Variants in ABL1 observed in about 807,000 individuals in gnomAD.
ABL1 encodes tyrosine-protein kinase ABL1.
In ABL1, 11 loss-of-function variants were observed where a neutral mutation model predicts 94.7. That is an observed-to-expected ratio of 0.12 (90% CI 0.07 to 0.19). The LOEUF (loss-of-function observed/expected upper bound fraction) is 0.19. Ranked by LOEUF, ABL1 falls within the 10% of genes least tolerant of loss-of-function variation. The pLI, the probability that ABL1 is intolerant of heterozygous loss-of-function variation, is 1.00. For missense variants in ABL1, 1,082 were observed against 1,489.4 expected (o/e 0.73, Z 4.50); for synonymous variants, 656 against 622.4 (o/e 1.05, Z -0.80).
intron 1 of ABL1, among the ~76,000 whole-genome samples, chr9:130,852,082 CTTT>C (rs1011984389): frequency 1.3e-5 from 2 of 151,932 alleles, no homozygotes; most frequent in Non-Finnish European, 2.9e-5. Flanking sequence ...CCGGGCCTCT[CTTT>C]TTAAGATAAT....
chr9:130,809,355 A>T (rs943574027), intron 1 of ABL1, among the ~76,000 whole-genome samples: 2 of 150,582 alleles, frequency 1.3e-5, no homozygotes, highest in Non-Finnish European at 3.0e-5. Flanking sequence ...TGGAGTACTA[A>T]GAAGAGTTGT....
At chr9:130,783,342 G>A (rs917802198) in intron 1 of ABL1, among the ~76,000 whole-genome samples, 2 of 152,202 alleles carry the variant, frequency 1.3e-5, no homozygotes, top group Admixed American at 1.3e-4. Context: ...TTTACTCTGT[G>A]TTAGCTTGGA....
At chr9:130,746,157 G>A (rs1485169354) in intron 1 of ABL1, among the ~76,000 whole-genome samples, 1 of 151,432 alleles carries the variant, frequency 6.6e-6, no homozygotes, top group African/African-American at 2.4e-5. Flanking sequence ...GCCTTTCCAA[G>A]GTCTTCTGGT....
chr9:130,859,971 T>G (rs536949689), intron 3 of ABL1, among the ~76,000 whole-genome samples: 15 of 152,224 alleles, frequency 9.9e-5, no homozygotes, highest in Non-Finnish European at 1.6e-4. Context: ...GAGCCACTGC[T>G]CCTGGCAAAA....
intron 1 of ABL1, among the ~76,000 whole-genome samples, chr9:130,802,126 T>C (rs1458075378): frequency 7.0e-6 from 1 of 143,826 alleles, no homozygotes; most frequent in Non-Finnish European, 1.5e-5. Context: ...GGTCTCTCTC[T>C]GTTGCCCAGG....
At position 130,874,804 on chromosome 9, in the gene ABL1, T is replaced by C. The variant is rs532210998; in HGVS notation, c.1086-64T>C. 7 of 1,521,872 alleles carry C rather than the reference T, an allele frequency of 4.6e-6. No homozygotes were observed. In the Admixed American group the frequency reaches 8.5e-5, roughly 18 times the overall value. 94.3% of individuals were successfully genotyped at this position (1,521,872 alleles called of 1,614,324 possible). A position where few individuals can be genotyped will look rare whatever the true frequency, so the allele number is the denominator to read the frequency against. ...TCAGCATTGCACCTTTGCTCAGCAGTGGTGGATTTGTGAAGTGGAAGGTTG... is the reference window on the plus strand; with the variant it reads ...TCAGCATTGCACCTTTGCTCAGCAGCGGTGGATTTGTGAAGTGGAAGGTTG... On this transcript the variant is annotated intron_variant, in intron 6 of 10. Coordinates refer to ENST00000318560, the MANE Select transcript of ABL1 (RefSeq NM_005157.6).
At chr9:130,793,858 G>A (rs34165662) in intron 1 of ABL1, among the ~76,000 whole-genome samples, 6,795 of 152,082 alleles carry the variant, frequency 0.045, 480 homozygotes, top group African/African-American at 0.16. Flanking sequence ...GATCAGTGGC[G>A]GCATTAGTTT....
chr9:130,830,868 C>T (rs935927481), upstream of ABL1, among the ~76,000 whole-genome samples: 1 of 152,142 alleles, frequency 6.6e-6, no homozygotes, highest in African/African-American at 2.4e-5. Context: ...CAGTGAGTGG[C>T]AGATCTGAGA....
intron 1 of ABL1, among the ~76,000 whole-genome samples, chr9:130,719,928 A>G (rs977252934): frequency 1.3e-5 from 2 of 152,206 alleles, no homozygotes; most frequent in African/African-American, 2.4e-5. Flanking sequence ...CATATTTACA[A>G]GGGAAAAGAG....
Position 130,862,846 on chromosome 9 carries a change from C to T in ABL1, c.633C>T (p.Thr211=). 1.9e-6 allele frequency: 3 copies of T among 1,614,006 alleles called. No individual in the cohort carries two copies. The highest frequency in any genetic ancestry group is 2.5e-6 in the Non-Finnish European group (3 of 1,179,994). ...HHSTVADGLI[T]TLHYPAPKRN... ...CAACGGTGGCCGACGGGCTCATCAC[C>T]ACGCTCCATTATCCAGCCCCAAAGC... The change falls in exon 4 of 11, where the codon ACC becomes ACT. Residue 211 remains threonine, a synonymous_variant. Coordinates refer to ENST00000318560, the MANE Select transcript of ABL1 (RefSeq NM_005157.6). The surrounding 1 kb of genome is among the most constrained non-coding windows in gnomAD (Gnocchi z 5.5).
At chr9:130,816,192 C>T (rs1830284144) in intron 1 of ABL1, among the ~76,000 whole-genome samples, 1 of 152,090 alleles carries the variant, frequency 6.6e-6, no homozygotes, top group Admixed American at 6.6e-5. Context: ...GATCCCCAGT[C>T]ATCCTCCCTG....
chr9:130,862,198 A>C lies in ABL1; in HGVS notation c.550-565A>C, dbSNP rs773457708. Among the ~76,000 whole-genome samples, 37 of 152,236 alleles carry C rather than the reference A, an allele frequency of 2.4e-4. No individual in the cohort carries two copies. Among genetic ancestry groups the C allele is most frequent in the Non-Finnish European group, 5.1e-4 (35 of 68,038 alleles). On this transcript the variant is annotated intron_variant, in intron 3 of 10. Coordinates refer to ENST00000318560, the MANE Select transcript of ABL1 (RefSeq NM_005157.6). The surrounding 1 kb of genome is among the most constrained non-coding windows in gnomAD (Gnocchi z 5.5). ...ACCAAGTTCTACCATGTGTTAATTT[A>C]ATCAACAGTTATTTATTGAGTACTT...
intron 1 of ABL1, among the ~76,000 whole-genome samples, chr9:130,818,524 C>T (rs1224641821): frequency 6.6e-6 from 1 of 152,136 alleles, no homozygotes; most frequent in Non-Finnish European, 1.5e-5. Flanking sequence ...AAGTTTCATG[C>T]ATTGGGTATT....
At chr9:130,804,318 G>C (rs147381150) in intron 1 of ABL1, among the ~76,000 whole-genome samples, 4,220 of 143,770 alleles carry the variant, frequency 0.029, 203 homozygotes, top group African/African-American at 0.11. Flanking sequence ...TCACACCAGT[G>C]GCTCACACTT....
intron 1 of ABL1, among the ~76,000 whole-genome samples, chr9:130,730,998 CTTTTTTT>C (rs11300328): frequency 4.3e-4 from 28 of 64,490 alleles, no homozygotes; most frequent in African/African-American, 1.5e-3. Context: ...CTCTATCTCT[CTTTTTTT>C]TTTTTTTTTT....
chr9:130,805,107 C>T (rs922601657), intron 1 of ABL1, among the ~76,000 whole-genome samples: 1 of 152,172 alleles, frequency 6.6e-6, no homozygotes, highest in Non-Finnish European at 1.5e-5. Context: ...GACAGAGTCT[C>T]GCACTGTCAC....
At position 130,869,275 on chromosome 9, in the gene ABL1, C is replaced by T. The variant is rs7860474; in HGVS notation, c.823-2854C>T. On this transcript the variant is annotated intron_variant, in intron 4 of 10. Transcript: ENST00000318560. ...AGAACCAGCCTTTGTTTTCTACAAG[C>T]TATCTGTTCGGTCTACTCAGGAATA... is the stretch of plus-strand genomic sequence containing the variant. Among the ~76,000 whole-genome samples, 1,516 of 152,310 alleles carry T rather than the reference C, an allele frequency of 1.0e-2. 29 individuals are homozygous for T. The highest frequency in any genetic ancestry group is 0.032 in the African/African-American group (1,315 of 41,564).
intron 1 of ABL1, among the ~76,000 whole-genome samples, chr9:130,806,258 A>G (rs1442119576): frequency 6.6e-6 from 1 of 152,210 alleles, no homozygotes; most frequent in Non-Finnish European, 1.5e-5. Context: ...TAACAGATAT[A>G]CAAACATGGA....
chr9:130,804,231 C>T (rs190430115), intron 1 of ABL1, among the ~76,000 whole-genome samples: 9 of 151,936 alleles, frequency 5.9e-5, no homozygotes, highest in South Asian at 2.1e-4. Flanking sequence ...TGGTGGTGGG[C>T]GCCTGTAGTA....
Sources: gnomAD v4.1 joint callset for allele counts (sites outside exome capture counted in the v4.1 genomes callset) on GRCh38, gnomAD v4.1.1 for gene constraint, Gnocchi (gnomAD v3.1) non-coding constraint, MANE v1.5 for transcripts, NCBI Gene and HGNC (gene_info 2026-07-23, HGNC 2026-07-21) for gene names.